Variants in ADGRE5 observed in about 807,000 individuals in gnomAD.
The protein encoded by ADGRE5 is CD97 molecule.
In ADGRE5, 72 loss-of-function variants were observed where a neutral mutation model predicts 100.3. The observed-to-expected ratio is 0.72, with a 90% confidence interval of 0.59 to 0.87. The LOEUF (loss-of-function observed/expected upper bound fraction) is 0.87. Ranked by LOEUF, ADGRE5 falls within the 40% of genes least tolerant of loss-of-function variation. The pLI, the probability that ADGRE5 is intolerant of heterozygous loss-of-function variation, is 0.00. For synonymous variants in ADGRE5, 439 were observed against 447.8 expected, an observed-to-expected ratio of 0.98 and a Z score of 0.25; for missense variants, 959 against 1,094.7, an observed-to-expected ratio of 0.88 and a Z score of 1.75.
intron 18 of ADGRE5, among the ~76,000 whole-genome samples, 167 bp from the exon 19 acceptor site, chr19:14,407,741 G>A (rs1321740597): frequency 6.6e-6 from 1 of 152,052 alleles, no homozygotes; most frequent in East Asian, 1.9e-4. Context: ...GTTGCAGTAA[G>A]CTATGATGGT....
At chr19:14,391,124 G>C in intron 4 of ADGRE5, 45 bp downstream of exon 4, 1 of 1,611,062 alleles carries the variant, frequency 6.2e-7, no homozygotes, top group Non-Finnish European at 8.5e-7. Context: ...CATGAGGTTT[G>C]GGGTCACCAG....
chr19:14,390,411 C>T (rs548248378), intron 3 of ADGRE5, among the ~76,000 whole-genome samples: 13 of 151,580 alleles, frequency 8.6e-5, no homozygotes, highest in Admixed American at 7.2e-4. Context: ...GCAACCTCCA[C>T]CTCCTAGGTT....
At chr19:14,387,420 G>A (rs1000787069) in intron 1 of ADGRE5, among the ~76,000 whole-genome samples, 1 of 152,102 alleles carries the variant, frequency 6.6e-6, no homozygotes, top group African/African-American at 2.4e-5. Flanking sequence ...GACTCTGTCT[G>A]TAAAATAATT....
chr19:14,382,709 ATTT>A lies in ADGRE5; in HGVS notation c.22+1179_22+1181del, dbSNP rs35624101. On this transcript the variant is annotated intron_variant, in intron 1 of 19. Coordinates refer to ENST00000242786, the MANE Select transcript of ADGRE5 (RefSeq NM_078481.4). ...GAGACGTTGTCTCTACCAAAAACAA[ATTT>A]TTTTTTTTTTTTTTGAGACAAAGTC... 4.3e-4 allele frequency among the ~76,000 whole-genome samples: 60 copies of A among 141,104 alleles called. No individual in the cohort carries two copies. The East Asian group carries it at 5.8e-3, about 14-fold the overall frequency. The allele number at this position is 141,104 out of a possible 152,430, so 92.6% of individuals were successfully genotyped here. A position where few individuals can be genotyped will look rare whatever the true frequency, so the allele number is the denominator to read the frequency against.
chr19:14,399,563 CAA>C (rs764605166), intron 9 of ADGRE5, among the ~76,000 whole-genome samples: 851 of 31,598 alleles, frequency 0.027, no homozygotes, highest in African/African-American at 0.078. Flanking sequence ...GACTCCGTCT[CAA>C]AAAAAAAAAA....
rs962739637 is a variant in ADGRE5, at chr19:14,405,646, G to A, written c.1630-102G>A. ...CTAGGAGGGACAAGGGAGGAGGTCA[G>A]AGAGGTGGGCCCGTCAAAGTGTGGG... On this transcript the variant is annotated intron_variant, in intron 13 of 19. Transcript: ENST00000242786. 12 of 807,682 alleles carry A rather than the reference G, an allele frequency of 1.5e-5. No homozygotes were observed. The Admixed American group carries it at 2.2e-4, about 15-fold the overall frequency. The allele number at this position is 807,682 out of a possible 1,614,324, so 50.0% of individuals were successfully genotyped here.
chr19:14,405,146 CT>C (rs1017291562), intron 13 of ADGRE5: 453 of 147,034 alleles, frequency 3.1e-3, no homozygotes, highest in African/African-American at 8.6e-3. Flanking sequence ...CACCCGGCCT[CT>C]TTTTTTTTTT....
rs527621682 is a variant in ADGRE5, at chr19:14,394,472, G to A, written c.347-1870G>A. ...GGCCATCCTAAACCCCTGATCACCCGTCTTTGTCCCAACCCTGAGACTCGG... is the reference window on the plus strand; with the variant it reads ...GGCCATCCTAAACCCCTGATCACCCATCTTTGTCCCAACCCTGAGACTCGG... On this transcript the variant is annotated intron_variant, in intron 4 of 19. Coordinates refer to ENST00000242786, the MANE Select transcript of ADGRE5 (RefSeq NM_078481.4). Among the ~76,000 whole-genome samples the A allele has an allele frequency of 1.5e-4, 23 of 152,158 alleles. No homozygotes were observed. The East Asian group carries it at 1.7e-3, about 12-fold the overall frequency.
chr19:14,401,866 C>G lies in ADGRE5; in HGVS notation c.1183+106C>G. 1 of 698,840 alleles carries G rather than the reference C, an allele frequency of 1.4e-6. No homozygotes were observed. The highest frequency in any genetic ancestry group is 2.2e-6 in the Non-Finnish European group (1 of 454,126). 43.3% of individuals were successfully genotyped at this position (698,840 alleles called of 1,614,324 possible). A position where few individuals can be genotyped will look rare whatever the true frequency, so the allele number is the denominator to read the frequency against. ...GAACAACTGACTGGGCGCGGTGGCT[C>G]ACGCCTGCAATCCCAGCATTTTGGG... On this transcript the variant is annotated intron_variant, in intron 11 of 19. Coordinates refer to ENST00000242786, the MANE Select transcript of ADGRE5 (RefSeq NM_078481.4). The surrounding 1 kb of genome is among the most constrained non-coding windows in gnomAD (Gnocchi z 4.1).
At chr19:14,407,665 C>T (rs1976326372) in intron 18 of ADGRE5, among the ~76,000 whole-genome samples, 1 of 147,566 alleles carries the variant, frequency 6.8e-6, no homozygotes, top group African/African-American at 2.6e-5. Flanking sequence ...GCCGGGTGTG[C>T]TGAATACCCA....
chr19:14,406,749 G>C lies in ADGRE5; in HGVS notation c.2098G>C (p.Val700Leu). Residue 700 changes from valine to leucine, a missense_variant, in exon 16 of 20, where the codon GTG (valine) becomes CTG (leucine). This residue lies in a region of ADGRE5 where 428 missense variants were observed against 386.2 expected (regional missense o/e 1.11). Transcript: ENST00000242786. This position sits in a 1 kb window ranked among gnomAD's most constrained non-coding sequence, Gnocchi z 6.0. ...CTTCCTCTGGAGCTTCTTGGGACCT[G>C]TGACCTTCATCATTTTGGTAAGTAC... ...QGFLWSFLGP[V>L]TFIILCNAVI... is the part of the protein sequence containing the mutation. 6.2e-7 allele frequency: 1 copy of C among 1,614,140 alleles called. No individual in the cohort carries two copies. Among genetic ancestry groups the C allele is most frequent in the Non-Finnish European group, 8.5e-7 (1 of 1,180,018 alleles).
chr19:14,395,292 C>A, intron 4 of ADGRE5, among the ~76,000 whole-genome samples: 1 of 129,168 alleles, frequency 7.7e-6, no homozygotes, highest in African/African-American at 3.0e-5. Flanking sequence ...CAGAGAGAGA[C>A]GCTGTCTCCA....
intron 3 of ADGRE5, among the ~76,000 whole-genome samples, chr19:14,389,864 T>C (rs755256191): frequency 8.0e-5 from 12 of 150,734 alleles, no homozygotes; most frequent in Non-Finnish European, 1.5e-4. Flanking sequence ...AGGTTGGGAG[T>C]TCGAGACCAG....
At chr19:14,400,532 CTG>C (rs1975968099) in intron 9 of ADGRE5, among the ~76,000 whole-genome samples, 1 of 152,116 alleles carries the variant, frequency 6.6e-6, no homozygotes, top group African/African-American at 2.4e-5. Flanking sequence ...TGGCTCAAGT[CTG>C]TAATCCCAGC....
chr19:14,396,306 C>A, intron 4 of ADGRE5, 36 bp from the exon 5 acceptor site: 2 of 1,614,174 alleles, frequency 1.2e-6, no homozygotes, highest in African/African-American at 1.3e-5. Context: ...CTGCTCACAG[C>A]TACGGGCATC....
At chr19:14,388,323 C>A (rs913711220) in intron 1 of ADGRE5, 127 bp from the exon 2 acceptor site, 1 of 1,474,864 alleles carries the variant, frequency 6.8e-7, no homozygotes. Flanking sequence ...CATCTGCTCA[C>A]TCTGAACGAC....
Position 14,408,105 on chromosome 19 carries a change from C to G in ADGRE5, c.2492C>G (p.Ser831Ter), listed in dbSNP as rs750501079. The G allele has an allele frequency of 1.2e-6, 2 of 1,613,502 alleles. No homozygotes were observed. The highest frequency in any genetic ancestry group is 1.7e-6 in the Non-Finnish European group (2 of 1,180,012). ...GHNQTRALRA[S>*]ESGI ...TCTCCTCTCCAGGCCCTCAGGGCAT[C>G]AGAGTCCGGCATATGAAGGCGCATG... The change falls in exon 20 of 20, where the codon TCA becomes TGA. Residue 831 changes from serine (S) to a stop codon, truncating the protein, a stop_gained. Coordinates refer to ENST00000242786, the MANE Select transcript of ADGRE5 (RefSeq NM_078481.4). LOFTEE classifies it high-confidence loss of function.
intron 13 of ADGRE5, chr19:14,404,911 G>GAT (rs1976163594): frequency 3.6e-6 from 1 of 274,910 alleles, no homozygotes; most frequent in Non-Finnish European, 6.9e-6. Flanking sequence ...CCAGGTTGGA[G>GAT]TATGGTGGCA....
chr19:14,387,186 G>C (rs1975388910), intron 1 of ADGRE5, among the ~76,000 whole-genome samples: 2 of 152,140 alleles, frequency 1.3e-5, no homozygotes, highest in African/African-American at 4.8e-5. Flanking sequence ...GAGGCCCACT[G>C]TCTGGGATTT....
Sources: allele counts gnomAD v4.1 joint callset (sites outside exome capture counted in the v4.1 genomes callset), GRCh38; gene constraint gnomAD v4.1.1; regional missense constraint gnomAD v4.1.1; non-coding constraint Gnocchi (gnomAD v3.1); transcripts MANE v1.5; gene names NCBI Gene and HGNC (gene_info 2026-07-23, HGNC 2026-07-21).